LMX1A: variants seen among roughly 807,000 people sequenced by gnomAD.
LMX1A encodes LIM homeobox transcription factor 1 alpha, also known as LIM homeobox transcription factor 1-alpha.
LMX1A carries 15 observed loss-of-function variants against 49.1 expected under a neutral mutation model. The ratio of observed to expected loss-of-function variants is 0.31; its 90% CI spans 0.20 to 0.47. The LOEUF (loss-of-function observed/expected upper bound fraction) is 0.47. LMX1A is among the 20% of genes least tolerant of loss of function. LMX1A has a pLI of 1.00. For missense variants in LMX1A, 372 were observed against 475.8 expected, an observed-to-expected ratio of 0.78 and a Z score of 2.03; for synonymous variants, 167 against 185.7, an observed-to-expected ratio of 0.90 and a Z score of 0.82.
intron 3 of LMX1A, among the ~76,000 whole-genome samples, chr1:165,336,216 T>C (rs1441540848): frequency 6.6e-6 from 1 of 152,166 alleles, no homozygotes; most frequent in Admixed American, 6.5e-5. Flanking sequence ...GGTTTGGGGT[T>C]AAGGGTTCTC....
chr1:165,336,885 A>C (rs554874918), intron 3 of LMX1A, among the ~76,000 whole-genome samples: 1 of 152,340 alleles, frequency 6.6e-6, no homozygotes, highest in African/African-American at 2.4e-5. Flanking sequence ...TAAAGAAATA[A>C]ACTACAGCAT....
chr1:165,332,184 A>C (rs1259484840), intron 3 of LMX1A, among the ~76,000 whole-genome samples: 1 of 152,198 alleles, frequency 6.6e-6, no homozygotes, highest in Non-Finnish European at 1.5e-5. Flanking sequence ...TTCTTTAAAA[A>C]TTCCATAAAC....
intron 3 of LMX1A, among the ~76,000 whole-genome samples, chr1:165,301,208 C>G (rs1471986775): frequency 6.6e-6 from 1 of 152,178 alleles, no homozygotes; most frequent in Admixed American, 6.5e-5. Context: ...TCCCCTTTAA[C>G]ACGTGGACTT....
At chr1:165,285,957 G>C (rs573960573) in intron 3 of LMX1A, among the ~76,000 whole-genome samples, 1 of 152,130 alleles carries the variant, frequency 6.6e-6, no homozygotes, top group African/African-American at 2.4e-5. Flanking sequence ...CCTCATTTTG[G>C]CCAGTAAAGA....
intron 3 of LMX1A, among the ~76,000 whole-genome samples, chr1:165,341,182 G>A (rs1656063795): frequency 6.6e-6 from 1 of 152,136 alleles, no homozygotes; most frequent in African/African-American, 2.4e-5. Flanking sequence ...AACACTCATA[G>A]TGACTTGGCA....
chr1:165,209,336 G>A (rs1651265271), intron 6 of LMX1A, among the ~76,000 whole-genome samples: 1 of 152,112 alleles, frequency 6.6e-6, no homozygotes. Flanking sequence ...TAAAATTTTT[G>A]GACTCTCCAG....
intron 7 of LMX1A, among the ~76,000 whole-genome samples, chr1:165,206,884 A>T (rs1024268503): frequency 6.6e-6 from 1 of 152,174 alleles, no homozygotes; most frequent in African/African-American, 2.4e-5. Context: ...TGTTTAGTCT[A>T]GAAGGTAAGA....
chr1:165,337,234 A>G (rs1181637919), intron 3 of LMX1A, among the ~76,000 whole-genome samples: 2 of 152,248 alleles, frequency 1.3e-5, no homozygotes, highest in Non-Finnish European at 2.9e-5. Context: ...TAAGGCCACA[A>G]TTCTAAATCT....
chr1:165,354,915 G>A (rs1353500772), intron 2 of LMX1A, among the ~76,000 whole-genome samples: 1 of 152,070 alleles, frequency 6.6e-6, no homozygotes, highest in Non-Finnish European at 1.5e-5. Context: ...AGTTGTGAGG[G>A]GGGACCCACA....
intron 3 of LMX1A, among the ~76,000 whole-genome samples, chr1:165,301,972 C>T (rs186600004): frequency 1.5e-3 from 230 of 152,276 alleles, no homozygotes; most frequent in Non-Finnish European, 2.3e-3. Flanking sequence ...TTCAAAACAT[C>T]ATTCGTCTTC....
chr1:165,204,402 C>CA (rs536267965), intron 8 of LMX1A, among the ~76,000 whole-genome samples: 58 of 151,874 alleles, frequency 3.8e-4, no homozygotes, highest in Admixed American at 9.8e-4. Flanking sequence ...AACCAACAAA[C>CA]AAAAAAACAA....
chr1:165,305,359 G>A (rs1654892736), intron 3 of LMX1A, among the ~76,000 whole-genome samples: 1 of 151,950 alleles, frequency 6.6e-6, no homozygotes, highest in African/African-American at 2.4e-5. Context: ...AGAGATGAAG[G>A]GAGACAAACT....
intron 3 of LMX1A, among the ~76,000 whole-genome samples, chr1:165,324,704 G>A (rs1447968243): frequency 6.6e-6 from 1 of 152,108 alleles, no homozygotes. Context: ...AGTCTACAAA[G>A]TGTTACTCAA....
chr1:165,300,517 C>G (rs1416517548), intron 3 of LMX1A, among the ~76,000 whole-genome samples: 1 of 152,184 alleles, frequency 6.6e-6, no homozygotes, highest in Non-Finnish European at 1.5e-5. Flanking sequence ...GAAAGTGGTT[C>G]TCATCAGCTG....
chr1:165,314,090 C>A (rs1655153220), intron 3 of LMX1A, among the ~76,000 whole-genome samples: 1 of 152,194 alleles, frequency 6.6e-6, no homozygotes, highest in African/African-American at 2.4e-5. Context: ...CAAGCCAGCT[C>A]CCTAAGCCAG....
At chr1:165,272,136 A>G (rs535390787) in intron 3 of LMX1A, among the ~76,000 whole-genome samples, 1 of 152,196 alleles carries the variant, frequency 6.6e-6, no homozygotes, top group South Asian at 2.1e-4. Flanking sequence ...CAGCTAATTC[A>G]TCTAGGACCA....
rs143463001 is a variant in LMX1A, at chr1:165,254,854, TAAC to T, written c.264-5217_264-5215del. ...GATGTCCAGCTCATCAAGGCATACA[TAAC>T]ACCACCCAACTTTCCTTGATGTCAT... On this transcript the variant is annotated intron_variant, in intron 3 of 8. Coordinates refer to ENST00000342310, the MANE Select transcript of LMX1A (RefSeq NM_177398.4). Among the ~76,000 whole-genome samples, 484 of 152,292 alleles carry T rather than the reference TAAC, an allele frequency of 3.2e-3. 1 individual carries two copies. The highest frequency in any genetic ancestry group is 0.011 in the African/African-American group (462 of 41,564).
chr1:165,328,844 G>A (rs1453158649), intron 3 of LMX1A, among the ~76,000 whole-genome samples: 2 of 152,184 alleles, frequency 1.3e-5, no homozygotes, highest in South Asian at 2.1e-4. Flanking sequence ...AGCTCACAGT[G>A]CAATTGTCAG....
intron 3 of LMX1A, among the ~76,000 whole-genome samples, chr1:165,262,974 C>T (rs1054315514): frequency 6.6e-6 from 1 of 152,110 alleles, no homozygotes; most frequent in Non-Finnish European, 1.5e-5. Flanking sequence ...TGTACTAAGC[C>T]CATCAGCAGG....
Sources: allele counts gnomAD v4.1 joint callset (sites outside exome capture counted in the v4.1 genomes callset), GRCh38; gene constraint gnomAD v4.1.1; transcripts MANE v1.5; gene names NCBI Gene and HGNC (gene_info 2026-07-23, HGNC 2026-07-21).